Variants in PDE4B observed in about 807,000 individuals in gnomAD.
PDE4B encodes the protein phosphodiesterase 4B.
Under a neutral mutation model 82.2 loss-of-function variants are expected in PDE4B, and 20 were observed. The observed-to-expected ratio is 0.24, with a 90% CI of 0.17 to 0.35. The LOEUF (loss-of-function observed/expected upper bound fraction) is 0.35, where lower values mean the gene tolerates loss of function less well. Ranked by LOEUF, PDE4B falls within the 10% of genes least tolerant of loss-of-function variation. The pLI, the probability that PDE4B is intolerant of heterozygous loss-of-function variation, is 1.00. For missense variants in PDE4B, 655 were observed against 907.2 expected, an observed-to-expected ratio of 0.72 and a Z score of 3.57; for synonymous variants, 320 against 318.9, an observed-to-expected ratio of 1.00 and a Z score of -0.04.
chr1:65,807,336 T>C (rs1055624236), intron 1 of PDE4B, among the ~76,000 whole-genome samples: 3 of 152,232 alleles, frequency 2.0e-5, no homozygotes, highest in African/African-American at 7.2e-5. Flanking sequence ...AAAATCGATT[T>C]CTCGCATCAT....
intron 3 of PDE4B, among the ~76,000 whole-genome samples, chr1:66,060,754 T>C (rs1180051314): frequency 2.0e-5 from 3 of 152,150 alleles, no homozygotes; most frequent in Non-Finnish European, 2.9e-5. Flanking sequence ...AGTGCTGTTT[T>C]AGGTGTTAAG....
intron 3 of PDE4B, among the ~76,000 whole-genome samples, chr1:66,059,890 A>G (rs1456387615): frequency 1.3e-5 from 2 of 152,194 alleles, no homozygotes; most frequent in Non-Finnish European, 2.9e-5. Flanking sequence ...ACCTCTTACA[A>G]TGGAACCCCT....
At chr1:65,991,671 T>G (rs1651251977) in intron 3 of PDE4B, among the ~76,000 whole-genome samples, 1 of 152,206 alleles carries the variant, frequency 6.6e-6, no homozygotes, top group South Asian at 2.1e-4. Context: ...CCAATATATA[T>G]CTACATGTTA....
At chr1:66,142,799 ATTTTGTGTCTTACAG>A (rs968645807) in intron 3 of PDE4B, among the ~76,000 whole-genome samples, 2 of 152,268 alleles carry the variant, frequency 1.3e-5, no homozygotes, top group Admixed American at 1.3e-4. Flanking sequence ...ACATTTGGTA[ATTTTGTGTCTTACAG>A]CCTTCAGTTC....
At position 66,071,014 on chromosome 1, in the gene PDE4B, TTTC is replaced by T. The variant is rs1262596642; in HGVS notation, c.281+152183_281+152185del. 3.9e-5 allele frequency among the ~76,000 whole-genome samples: 6 copies of T among 152,182 alleles called. No homozygotes were observed. The East Asian group carries it at 1.2e-3, about 29-fold the overall frequency. ...AAAAATGACTGTTTAAAATTTACTCTTTCTTCAGAGTAAATTATGTTAATAATT... is the reference window on the plus strand; with the variant it reads ...AAAAATGACTGTTTAAAATTTACTCTTTCAGAGTAAATTATGTTAATAATT... On this transcript the variant is annotated intron_variant, in intron 3 of 16. Transcript: ENST00000341517.
At chr1:66,245,571 A>G (rs576333466) in intron 3 of PDE4B, among the ~76,000 whole-genome samples, 1 of 152,298 alleles carries the variant, frequency 6.6e-6, no homozygotes, top group African/African-American at 2.4e-5. Context: ...GCTTGCTGCA[A>G]TGTATGTGGC....
intron 1 of PDE4B, among the ~76,000 whole-genome samples, chr1:65,834,548 G>A (rs1437415133): frequency 1.3e-5 from 2 of 152,180 alleles, no homozygotes; most frequent in Non-Finnish European, 2.9e-5. Flanking sequence ...GTCATCATTT[G>A]CTGAGCCTCT....
chr1:66,075,377 T>G (rs761201702), intron 3 of PDE4B, among the ~76,000 whole-genome samples: 4 of 151,236 alleles, frequency 2.6e-5, no homozygotes, highest in Non-Finnish European at 4.4e-5. Flanking sequence ...TATTGCTGGG[T>G]CATATGGTAA....
chr1:66,268,188 C>CAG (rs142564069), intron 7 of PDE4B, among the ~76,000 whole-genome samples: 1 of 150,942 alleles, frequency 6.6e-6, no homozygotes, highest in African/African-American at 2.4e-5. Context: ...TGGAGCAATT[C>CAG]AGAGAGAGAG....
intron 1 of PDE4B, among the ~76,000 whole-genome samples, chr1:65,898,086 A>G (rs1646930698): frequency 1.3e-5 from 2 of 152,118 alleles, no homozygotes; most frequent in South Asian, 4.1e-4. Context: ...TCTGATGATT[A>G]GTGATGTTGA....
At chr1:66,165,388 T>G (rs1022562231) in intron 3 of PDE4B, among the ~76,000 whole-genome samples, 1 of 152,164 alleles carries the variant, frequency 6.6e-6, no homozygotes, top group Non-Finnish European at 1.5e-5. Context: ...CTCAGGAAAC[T>G]CAAAGAAATG....
chr1:66,282,412 C>T (rs1656365529), intron 7 of PDE4B, among the ~76,000 whole-genome samples: 1 of 152,198 alleles, frequency 6.6e-6, no homozygotes, highest in South Asian at 2.1e-4. Flanking sequence ...CAGTGCATTA[C>T]TCACTGCTTA....
intron 3 of PDE4B, among the ~76,000 whole-genome samples, chr1:66,181,900 A>G (rs1647071749): frequency 6.6e-6 from 1 of 152,134 alleles, no homozygotes; most frequent in South Asian, 2.1e-4. Flanking sequence ...TAGCCTTAGT[A>G]GTTTGAAGTT....
chr1:66,219,506 G>A (rs1408171668), intron 3 of PDE4B, among the ~76,000 whole-genome samples: 2 of 152,148 alleles, frequency 1.3e-5, no homozygotes, highest in African/African-American at 4.8e-5. Flanking sequence ...CAAGTCATGG[G>A]AAAAGTTGAA....
intron 3 of PDE4B, among the ~76,000 whole-genome samples, chr1:66,122,906 G>A (rs760330166): frequency 7.9e-5 from 12 of 151,366 alleles, no homozygotes; most frequent in Admixed American, 2.0e-4. Context: ...GGGTTTCACC[G>A]CATTGGCCAG....
chr1:66,090,307 G>C lies in PDE4B; in HGVS notation c.282-157153G>C, dbSNP rs186556644. Among the ~76,000 whole-genome samples the C allele has an allele frequency of 3.3e-3, 498 of 152,022 alleles. 4 individuals are homozygous for C. Among genetic ancestry groups the C allele is most frequent in the Non-Finnish European group, 4.9e-3 (333 of 67,926 alleles). On this transcript the variant is annotated intron_variant, in intron 3 of 16. Transcript: ENST00000341517. The stretch of plus-strand genomic sequence containing the variant: ...GCTATAAAGCCTATTTCTTCCAGGG[G>C]TGATACAGCTGGAAATATGCTTAGA...
At chr1:65,862,448 T>G (rs1433744100) in intron 1 of PDE4B, among the ~76,000 whole-genome samples, 2 of 152,250 alleles carry the variant, frequency 1.3e-5, no homozygotes, top group Non-Finnish European at 2.9e-5. Flanking sequence ...GGATTCGGTT[T>G]GCCAGTATTT....
chr1:65,804,502 T>C (rs1387620511), intron 1 of PDE4B, among the ~76,000 whole-genome samples: 3 of 152,150 alleles, frequency 2.0e-5, no homozygotes, highest in Admixed American at 1.3e-4. Context: ...AGAGGGAGGT[T>C]AAATTCAGGC....
At chr1:66,071,377 CAG>C (rs1370571523) in intron 3 of PDE4B, among the ~76,000 whole-genome samples, 1 of 152,032 alleles carries the variant, frequency 6.6e-6, no homozygotes, top group African/African-American at 2.4e-5. Context: ...AAATGCAACT[CAG>C]AGAAATTTGG....
Sources: gnomAD v4.1 joint callset for allele counts (sites outside exome capture counted in the v4.1 genomes callset) on GRCh38, gnomAD v4.1.1 for gene constraint, MANE v1.5 for transcripts, NCBI Gene and HGNC (gene_info 2026-07-23, HGNC 2026-07-21) for gene names.